The following NRBP2 variants were observed in gnomAD, a reference collection of about 807,000 sequenced individuals.
The protein encoded by NRBP2 is nuclear receptor-binding protein 2.
Under a neutral mutation model 74.4 loss-of-function variants are expected in NRBP2, and 47 were observed. The observed-to-expected ratio is 0.63, with a 90% CI of 0.50 to 0.81. NRBP2 has a LOEUF of 0.81. Among genes scored for constraint, NRBP2 ranks in the 30% least tolerant of loss-of-function variants. NRBP2 has a pLI of 0.00. For missense variants in NRBP2, 613 were observed against 690.1 expected (o/e 0.89, Z 1.25); for synonymous variants, 312 against 273.8 (o/e 1.14, Z -1.38).
At chr8:143,836,243 A>AG (rs1818378577) in intron 14 of NRBP2, 63 bp from the exon 15 acceptor site, 4 of 1,452,174 alleles carry the variant, frequency 2.8e-6, no homozygotes, top group South Asian at 1.5e-5. Flanking sequence ...GCGGCCCCAA[A>AG]GGGGCCGGGA....
Position 143,835,511 on chromosome 8 carries a change from C to A in NRBP2, c.*151G>T. On this transcript the variant is annotated 3_prime_UTR_variant, in exon 18 of 18. Coordinates refer to ENST00000442628, the MANE Select transcript of NRBP2 (RefSeq NM_178564.4). This position sits in a 1 kb window ranked among gnomAD's most constrained non-coding sequence, Gnocchi z 4.9. ...CCTCGGCGCCCAAGGCAGGGTCAGC[C>A]CCACTCTCAGGAGACGGGGGGTTCC... 1.4e-6 allele frequency: 1 copy of A among 731,050 alleles called. No individual in the cohort carries two copies. Among genetic ancestry groups the A allele is most frequent in the South Asian group, 1.7e-5 (1 of 59,878 alleles). The allele number at this position is 731,050 out of a possible 1,614,324, so 45.3% of individuals were successfully genotyped here.
At position 143,837,954 on chromosome 8, in the gene NRBP2, C is replaced by T; in HGVS notation, c.841-199G>A. The T allele has an allele frequency of 1.4e-6, 1 of 730,978 alleles. No individual in the cohort carries two copies. Among genetic ancestry groups the T allele is most frequent in the Non-Finnish European group, 2.4e-6 (1 of 411,758 alleles). 45.3% of individuals were successfully genotyped at this position (730,978 alleles called of 1,614,324 possible). ...CTCTGAGCTTGAGGACAGCTGGGTT[C>T]TGGGATTGGAGCACCATGCTCTGCT... On this transcript the variant is annotated intron_variant, in intron 10 of 17. Coordinates refer to ENST00000442628, the MANE Select transcript of NRBP2 (RefSeq NM_178564.4). The surrounding 1 kb of genome is among the most constrained non-coding windows in gnomAD (Gnocchi z 4.3).
chr8:143,831,118 C>T (rs117730013), downstream of NRBP2, among the ~76,000 whole-genome samples: 576 of 152,342 alleles, frequency 3.8e-3, 1 homozygote, highest in Non-Finnish European at 7.3e-3. Flanking sequence ...GGACAGCTTC[C>T]CTTGGCAATA....
rs1818493068 is a variant in NRBP2, at chr8:143,837,826, G to A, written c.841-71C>T. ...CTCTGGCCCCGCAGTTCGAGGAGAG[G>A]TGGCCCCTGAGTTCCCCATGTCCCT... On this transcript the variant is annotated intron_variant, in intron 10 of 17. Transcript: ENST00000442628. The surrounding 1 kb of genome is among the most constrained non-coding windows in gnomAD (Gnocchi z 4.3). 2 of 1,538,642 alleles carry A rather than the reference G, an allele frequency of 1.3e-6. No individual in the cohort carries two copies. Among genetic ancestry groups the A allele is most frequent in the Admixed American group, 2.0e-5 (1 of 50,992 alleles).
Position 143,836,145 on chromosome 8 carries a change from C to G in NRBP2, c.1299G>C (p.Glu433Asp). The G allele has an allele frequency of 2.5e-6, 4 of 1,597,320 alleles. No homozygotes were observed. The highest frequency in any genetic ancestry group is 1.7e-4 in the Middle Eastern group (1 of 5,986). Residue 433 changes from glutamate to aspartate, a missense_variant, in exon 15 of 18, where the codon GAG (glutamate) becomes GAC (aspartate). This residue lies in a region of NRBP2 where 281 missense variants were observed against 260.9 expected (regional missense o/e 1.08). Transcript: ENST00000442628. ...IQMQCNLERS[E>D]DKARWHLTLL... Reference sequence around the variant, plus strand: ...CGCTCACATGCCAGCGCGCCTTGTCCTCGCTTCTCTCCAGGTTGCACTGCA... The same window carrying G: ...CGCTCACATGCCAGCGCGCCTTGTCGTCGCTTCTCTCCAGGTTGCACTGCA...
chr8:143,837,304 C>T lies in NRBP2; in HGVS notation c.1077-5G>A. The T allele has an allele frequency of 6.2e-7, 1 of 1,600,834 alleles. No homozygotes were observed. Among genetic ancestry groups the T allele is most frequent in the Non-Finnish European group, 8.5e-7 (1 of 1,176,508 alleles). The stretch of plus-strand genomic sequence containing the variant: ...ATGAAGGAGACTTCCGAGTACCTGG[C>T]ATGGAAGTGGGAGGCACATGAGGGG... On this transcript the variant is annotated splice_polypyrimidine_tract_variant and splice_region_variant and intron_variant, in intron 12 of 17. Coordinates refer to ENST00000442628, the MANE Select transcript of NRBP2 (RefSeq NM_178564.4). This position sits in a 1 kb window ranked among gnomAD's most constrained non-coding sequence, Gnocchi z 4.3.
downstream of NRBP2, among the ~76,000 whole-genome samples, chr8:143,831,620 C>CA (rs1320245128): frequency 1.3e-5 from 2 of 152,016 alleles, no homozygotes; most frequent in East Asian, 1.9e-4. Flanking sequence ...GACCCTGTCT[C>CA]AAAAAAACAA....
At chr8:143,832,401 C>T (rs1554650440), downstream of NRBP2, among the ~76,000 whole-genome samples, 2 of 152,050 alleles carry the variant, frequency 1.3e-5, no homozygotes, top group Non-Finnish European at 1.5e-5. Context: ...CCCAGCCCGA[C>T]ACCCGTAAAG....
downstream of NRBP2, chr8:143,829,904 C>T (rs895778290): frequency 2.0e-5 from 3 of 152,294 alleles, no homozygotes; most frequent in South Asian, 2.1e-4. Flanking sequence ...CCGCAGGCCC[C>T]GTTAGTCCCT....
At chr8:143,836,584 G>C (rs1378366011) in intron 14 of NRBP2, among the ~76,000 whole-genome samples, 1 of 151,218 alleles carries the variant, frequency 6.6e-6, no homozygotes, top group African/African-American at 2.4e-5. Flanking sequence ...ATGAATTCTG[G>C]CTGCACTGCA....
rs1818243162 is a variant in NRBP2, at chr8:143,833,654, T to A, written c.*2008A>T. The A allele has an allele frequency of 6.6e-6, 1 of 152,138 alleles. No homozygotes were observed. The highest frequency in any genetic ancestry group is 1.5e-5 in the Non-Finnish European group (1 of 68,022). The allele number at this position is 152,138 out of a possible 1,614,324, so 9.4% of individuals were successfully genotyped here. A position where few individuals can be genotyped will look rare whatever the true frequency, so the allele number is the denominator to read the frequency against. On this transcript the variant is annotated 3_prime_UTR_variant, in exon 18 of 18. Transcript: ENST00000442628. ...GCCTCAAAAAAAAAACTATTCTACTTTAAAAACAATACATATATAATTCTG... is the reference window on the plus strand; with the variant it reads ...GCCTCAAAAAAAAAACTATTCTACTATAAAAACAATACATATATAATTCTG...
rs1818317054 is a variant in NRBP2 at position 143,835,455 on chromosome 8, C to T, written c.*207G>A. 2 of 653,900 alleles carry T rather than the reference C, an allele frequency of 3.1e-6. No homozygotes were observed. Among genetic ancestry groups the T allele is most frequent in the Non-Finnish European group, 5.5e-6 (2 of 366,718 alleles). 40.5% of individuals were successfully genotyped at this position (653,900 alleles called of 1,614,324 possible). ...CCCTGATCCTAAGGACCTGGGAGGC[C>T]TAACGGCTCCCCCACACCCACCCCC... is the stretch of plus-strand genomic sequence containing the variant. On this transcript the variant is annotated 3_prime_UTR_variant, in exon 18 of 18. Transcript: ENST00000442628. This position sits in a 1 kb window ranked among gnomAD's most constrained non-coding sequence, Gnocchi z 4.9.
rs1554652105 is a variant in NRBP2 at position 143,837,286 on chromosome 8, A to G, written c.1090T>C (p.Ser364Pro). The change falls in exon 13 of 18, where the codon TCC becomes CCC. Residue 364 changes from serine (S) to proline (P), a missense_variant. Coordinates refer to ENST00000442628, the MANE Select transcript of NRBP2 (RefSeq NM_178564.4). The surrounding 1 kb of genome is among the most constrained non-coding windows in gnomAD (Gnocchi z 4.3). ...AGGAATTTGTCCAGCTCCATGAAGG[A>G]GACTTCCGAGTACCTGGCATGGAAG... ...PPLQWRYSEV[S>P]FMELDKFLED... The G allele has an allele frequency of 6.2e-7, 1 of 1,609,364 alleles. No homozygotes were observed. Among genetic ancestry groups the G allele is most frequent in the South Asian group, 1.1e-5 (1 of 90,920 alleles).
Position 143,837,844 on chromosome 8 carries a change from A to T in NRBP2, c.841-89T>A. The T allele has an allele frequency of 6.7e-7, 1 of 1,484,854 alleles. No homozygotes were observed. Among genetic ancestry groups the T allele is most frequent in the Non-Finnish European group, 9.2e-7 (1 of 1,092,822 alleles). 92.0% of individuals were successfully genotyped at this position (1,484,854 alleles called of 1,614,324 possible). A position where few individuals can be genotyped will look rare whatever the true frequency, so the allele number is the denominator to read the frequency against. Reference sequence around the variant, plus strand: ...AGGAGAGGTGGCCCCTGAGTTCCCCATGTCCCTCCTCAGGGACACACAGGA... The same window carrying T: ...AGGAGAGGTGGCCCCTGAGTTCCCCTTGTCCCTCCTCAGGGACACACAGGA... On this transcript the variant is annotated intron_variant, in intron 10 of 17. Coordinates refer to ENST00000442628, the MANE Select transcript of NRBP2 (RefSeq NM_178564.4). The surrounding 1 kb of genome is among the most constrained non-coding windows in gnomAD (Gnocchi z 4.3).
rs1818239006 is a variant in NRBP2, at chr8:143,833,591, G to A, written c.*2071C>T. 1 of 152,016 alleles carries A rather than the reference G, an allele frequency of 6.6e-6. No individual in the cohort carries two copies. Among genetic ancestry groups the A allele is most frequent in the South Asian group, 2.1e-4 (1 of 4,824 alleles). 9.4% of individuals were successfully genotyped at this position (152,016 alleles called of 1,614,324 possible). ...CAGTTAAGAGAGTTGAATTTGGAGA[G>A]GATCAGAGTAGGAGCCTGCATTTAT... On this transcript the variant is annotated 3_prime_UTR_variant, in exon 18 of 18. Coordinates refer to ENST00000442628, the MANE Select transcript of NRBP2 (RefSeq NM_178564.4).
chr8:143,838,212 G>T, intron 10 of NRBP2: 1 of 380,408 alleles, frequency 2.6e-6, no homozygotes, highest in South Asian at 2.2e-5. Flanking sequence ...TCCGAGCAGA[G>T]GGGGCTGTGG....
chr8:143,838,825 C>G, intron 9 of NRBP2, 50 bp from the exon 10 acceptor site: 1 of 1,611,304 alleles, frequency 6.2e-7, no homozygotes, highest in East Asian at 2.2e-5. Context: ...CACAGGTGAG[C>G]CAGGCAGGGC....
chr8:143,835,238 T>TTAAAAAA lies in NRBP2; in HGVS notation c.*423_*424insTTTTTTA. 1 of 212,242 alleles carries TTAAAAAA rather than the reference T, an allele frequency of 4.7e-6. No individual in the cohort carries two copies. Among genetic ancestry groups the TTAAAAAA allele is most frequent in the Non-Finnish European group, 9.5e-6 (1 of 104,996 alleles). 13.1% of individuals were successfully genotyped at this position (212,242 alleles called of 1,614,324 possible). On this transcript the variant is annotated 3_prime_UTR_variant, in exon 18 of 18. Transcript: ENST00000442628. The surrounding 1 kb of genome is among the most constrained non-coding windows in gnomAD (Gnocchi z 4.9). ...TATGGTGCCAGCAGGGGATGGCTGC[T>TTAAAAAA]CTCCCAGACCCCATGGAGCAGTTCC...
At position 143,836,298 on chromosome 8, in the gene NRBP2, C is replaced by T. The variant is rs1316569554; in HGVS notation, c.1264-118G>A. ...AAGGGGGGAATCTCTAAGAGGAGCCCATCTCACTGCTAGTGGCTTGGCAAG... is the reference window on the plus strand; with the variant it reads ...AAGGGGGGAATCTCTAAGAGGAGCCTATCTCACTGCTAGTGGCTTGGCAAG... On this transcript the variant is annotated intron_variant, in intron 14 of 17. Transcript: ENST00000442628. 4 of 1,352,450 alleles carry T rather than the reference C, an allele frequency of 3.0e-6. No homozygotes were observed. The Admixed American group carries it at 1.4e-4, about 47-fold the overall frequency. 83.8% of individuals were successfully genotyped at this position (1,352,450 alleles called of 1,614,324 possible). A position where few individuals can be genotyped will look rare whatever the true frequency, so the allele number is the denominator to read the frequency against.
Sources: gnomAD v4.1 joint callset for allele counts (sites outside exome capture counted in the v4.1 genomes callset) on GRCh38, gnomAD v4.1.1 for gene constraint, gnomAD v4.1.1 regional missense constraint, Gnocchi (gnomAD v3.1) non-coding constraint, MANE v1.5 for transcripts, NCBI Gene and HGNC (gene_info 2026-07-23, HGNC 2026-07-21) for gene names.